Variants in COL25A1 observed in about 807,000 individuals in gnomAD.
COL25A1 encodes collagen type XXV alpha 1 chain.
A neutral mutation model predicts 128.4 loss-of-function variants in COL25A1; 103 were observed. That is an observed-to-expected ratio of 0.80 (90% CI 0.68 to 0.94). The LOEUF (loss-of-function observed/expected upper bound fraction) is 0.94. Ranked by LOEUF, COL25A1 falls within the 40% of genes least tolerant of loss-of-function variation. The pLI, the probability that COL25A1 is intolerant of heterozygous loss-of-function variation, is 0.00. For missense variants in COL25A1, 745 were observed against 840.0 expected, an observed-to-expected ratio of 0.89 and a Z score of 1.40; for synonymous variants, 279 against 277.2, an observed-to-expected ratio of 1.01 and a Z score of -0.06.
At chr4:108,970,808 C>G (rs1751836652) in intron 8 of COL25A1, among the ~76,000 whole-genome samples, 1 of 152,154 alleles carries the variant, frequency 6.6e-6, no homozygotes, top group East Asian at 1.9e-4. Context: ...AGTTATTTAT[C>G]TTTCTGTACC....
chr4:109,108,904 T>G (rs1370009825), intron 3 of COL25A1, among the ~76,000 whole-genome samples: 2 of 152,174 alleles, frequency 1.3e-5, no homozygotes, highest in African/African-American at 4.8e-5. Context: ...GTGCCTTGCT[T>G]TATTGTGATA....
intron 21 of COL25A1, among the ~76,000 whole-genome samples, chr4:108,862,932 A>C (rs1483708355): frequency 1.3e-5 from 2 of 152,246 alleles, no homozygotes; most frequent in African/African-American, 2.4e-5. Flanking sequence ...GTTTAAATGA[A>C]TAAGGTCAAA....
intron 5 of COL25A1, among the ~76,000 whole-genome samples, chr4:109,044,661 A>G (rs921386997): frequency 6.6e-6 from 1 of 152,146 alleles, no homozygotes; most frequent in Non-Finnish European, 1.5e-5. Flanking sequence ...TACTCGATGT[A>G]GGTTCTGTGC....
At position 109,302,562 on chromosome 4, in the gene COL25A1, A is replaced by C; in HGVS notation, c.-450T>G. On this transcript the variant is annotated 5_prime_UTR_variant, in exon 1 of 38. Coordinates refer to ENST00000399132, the MANE Select transcript of COL25A1 (RefSeq NM_198721.4). ...GAGAGCACGCTACAGCGCAGCGCGA[A>C]AGGGGCGACTAAGGTGGAGAAGAGA... is the stretch of plus-strand genomic sequence containing the variant. 1 of 153,838 alleles carries C rather than the reference A, an allele frequency of 6.5e-6. No individual in the cohort carries two copies. Among genetic ancestry groups the C allele is most frequent in the Non-Finnish European group, 1.4e-5 (1 of 69,156 alleles). The allele number at this position is 153,838 out of a possible 1,614,324, so 9.5% of individuals were successfully genotyped here.
chr4:109,178,835 C>CAAAAAAA (rs34132262), intron 3 of COL25A1, among the ~76,000 whole-genome samples: 1 of 47,558 alleles, frequency 2.1e-5, no homozygotes, highest in Non-Finnish European at 3.7e-5. Context: ...ACTCCATCTC[C>CAAAAAAA]AAAAAAAAAA....
At chr4:109,034,182 T>C (rs1388666404) in intron 5 of COL25A1, among the ~76,000 whole-genome samples, 1 of 152,160 alleles carries the variant, frequency 6.6e-6, no homozygotes, top group Non-Finnish European at 1.5e-5. Flanking sequence ...CTTAAGAAAC[T>C]GAAAGCTCTG....
intron 3 of COL25A1, among the ~76,000 whole-genome samples, chr4:109,289,661 A>G (rs1724267285): frequency 6.6e-6 from 1 of 152,110 alleles, no homozygotes; most frequent in Non-Finnish European, 1.5e-5. Context: ...AACAGAATGG[A>G]GGCAAAATAG....
chr4:109,101,906 A>T (rs1053968566), intron 3 of COL25A1, among the ~76,000 whole-genome samples: 1 of 152,190 alleles, frequency 6.6e-6, no homozygotes, highest in African/African-American at 2.4e-5. Flanking sequence ...CCAAGAGTTT[A>T]ATGAACCCCA....
chr4:109,218,353 TGGG>T (rs145175898), intron 3 of COL25A1, among the ~76,000 whole-genome samples: 2 of 128,990 alleles, frequency 1.6e-5, no homozygotes, highest in African/African-American at 7.6e-5. Flanking sequence ...GCTGGTTTTT[TGGG>T]GTTTTTTTTT....
intron 11 of COL25A1, among the ~76,000 whole-genome samples, chr4:108,922,765 T>C (rs1194602460): frequency 6.6e-6 from 1 of 152,234 alleles, no homozygotes; most frequent in Non-Finnish European, 1.5e-5. Context: ...AAACTACTGC[T>C]ACGTCTGGTA....
Position 108,886,471 on chromosome 4 carries a change from TGTGTGTGTGTG to T in COL25A1, c.976-2260_976-2250del, listed in dbSNP as rs1232789233. On this transcript the variant is annotated intron_variant, in intron 18 of 37. Coordinates refer to ENST00000399132, the MANE Select transcript of COL25A1 (RefSeq NM_198721.4). ...GTGTGTGTGTGTGTGTGTGTGTGTGTGTGTGTGTGTGTGTGTGTGTGTTTAGCTCATCAGCT... is the reference window on the plus strand; with the variant it reads ...GTGTGTGTGTGTGTGTGTGTGTGTGTTGTGTGTGTGTTTAGCTCATCAGCT... 1.6e-5 allele frequency among the ~76,000 whole-genome samples: 2 copies of T among 124,956 alleles called. 1 individual carries two copies. Among genetic ancestry groups the T allele is most frequent in the African/African-American group, 5.5e-5 (2 of 36,460 alleles). 82.0% of individuals were successfully genotyped at this position (124,956 alleles called of 152,430 possible).
chr4:109,075,732 C>T (rs1763320268), intron 3 of COL25A1, among the ~76,000 whole-genome samples: 1 of 152,066 alleles, frequency 6.6e-6, no homozygotes, highest in Non-Finnish European at 1.5e-5. Context: ...TTTTACCCAC[C>T]ATATAGTCCA....
chr4:108,832,072 C>T (rs1039060896), intron 32 of COL25A1, among the ~76,000 whole-genome samples: 1 of 152,074 alleles, frequency 6.6e-6, no homozygotes, highest in Non-Finnish European at 1.5e-5. Context: ...CCATTGACTT[C>T]GACTTTCTGG....
chr4:108,823,260 T>C (rs936294373), intron 35 of COL25A1, among the ~76,000 whole-genome samples: 3 of 152,150 alleles, frequency 2.0e-5, no homozygotes, highest in Non-Finnish European at 2.9e-5. Flanking sequence ...CACTGTTCTA[T>C]TGAGGGATTG....
chr4:108,889,747 C>T lies in COL25A1; in HGVS notation c.907-14G>A, dbSNP rs1271682506. The T allele has an allele frequency of 6.2e-7, 1 of 1,612,208 alleles. No individual in the cohort carries two copies. ...TCCAGGGTCACCCTAAAACGAAACC[C>T]AGGAGAGATTATCTCACAAGTTATG... On this transcript the variant is annotated splice_polypyrimidine_tract_variant and intron_variant, in intron 16 of 37. Coordinates refer to ENST00000399132, the MANE Select transcript of COL25A1 (RefSeq NM_198721.4).
At chr4:108,914,882 AT>A (rs1350153477) in intron 13 of COL25A1, among the ~76,000 whole-genome samples, 1 of 152,150 alleles carries the variant, frequency 6.6e-6, no homozygotes, top group Non-Finnish European at 1.5e-5. Flanking sequence ...TTGGGCATCT[AT>A]TACATAATAT....
intron 3 of COL25A1, among the ~76,000 whole-genome samples, chr4:109,221,517 T>C (rs554429996): frequency 2.0e-3 from 303 of 152,332 alleles, no homozygotes; most frequent in African/African-American, 7.0e-3. Flanking sequence ...CCTTAAAATA[T>C]ATAAGTACTT....
chr4:109,022,501 G>A (rs920807023), intron 5 of COL25A1, among the ~76,000 whole-genome samples: 3 of 152,208 alleles, frequency 2.0e-5, no homozygotes, highest in African/African-American at 4.8e-5. Flanking sequence ...GCCTACTGAT[G>A]ACTTAGGCTA....
At chr4:109,283,645 T>G (rs1723598498) in intron 3 of COL25A1, among the ~76,000 whole-genome samples, 1 of 152,200 alleles carries the variant, frequency 6.6e-6, no homozygotes, top group African/African-American at 2.4e-5. Flanking sequence ...TCTAACAAAC[T>G]TCACACAAGT....
Sources: allele counts gnomAD v4.1 joint callset (sites outside exome capture counted in the v4.1 genomes callset), GRCh38; gene constraint gnomAD v4.1.1; transcripts MANE v1.5; gene names NCBI Gene and HGNC (gene_info 2026-07-23, HGNC 2026-07-21).